The following TASP1 variants were observed in gnomAD, a reference collection of about 807,000 sequenced individuals.
The protein encoded by TASP1 is taspase 1, also known as threonine aspartase 1.
Under a neutral mutation model 56.6 loss-of-function variants are expected in TASP1, and 16 were observed. That is an observed-to-expected ratio of 0.28 (90% CI 0.19 to 0.43). TASP1 has a LOEUF of 0.43. TASP1 is among the 20% of genes least tolerant of loss of function. The pLI is 1.00. For missense variants in TASP1, 393 were observed against 511.6 expected (o/e 0.77, Z 2.24); for synonymous variants, 179 against 184.2 (o/e 0.97, Z 0.23).
At position 13,483,289 on chromosome 20, in the gene TASP1, T is replaced by C. The variant is rs1365570433; in HGVS notation, c.923A>G (p.His308Arg). ...GTGAGCATCCTCAGCTTGTAAAGCA[T>C]GTGAACATTCTCTAGCCAGTATGGT... ...VRTILARECSHALQAEDAHQA... is the reference protein window; with the variant it reads ...VRTILARECSRALQAEDAHQA... The change falls in exon 11 of 14, where the codon CAT becomes CGT. Residue 308 changes from histidine to arginine, a missense_variant. His to Arg is a conservative substitution (Grantham distance 29, BLOSUM62 0). Coordinates refer to ENST00000337743, the MANE Select transcript of TASP1 (RefSeq NM_017714.3). 7 of 1,605,830 alleles carry C rather than the reference T, an allele frequency of 4.4e-6. No homozygotes were observed. Among genetic ancestry groups the C allele is most frequent in the Non-Finnish European group, 6.0e-6 (7 of 1,175,824 alleles).
At chr20:13,265,469 G>C in the TASP1 span, among the ~76,000 whole-genome samples, 1 of 152,058 alleles carries the variant, frequency 6.6e-6, no homozygotes, top group Non-Finnish European at 1.5e-5. Context: ...CAAATTCTCT[G>C]ATCTGTGAGC....
chr20:13,521,373 C>T (rs902462070), intron 10 of TASP1, among the ~76,000 whole-genome samples: 1 of 151,722 alleles, frequency 6.6e-6, no homozygotes, highest in Non-Finnish European at 1.5e-5. Context: ...TGGAACCAAC[C>T]CAAATGTCCA....
the TASP1 span, chr20:13,160,063 C>A: frequency 1.2e-6 from 2 of 1,613,740 alleles, no homozygotes; most frequent in African/African-American, 1.3e-5. Flanking sequence ...GATTTCCAGC[C>A]ACTCCCCTCG....
At chr20:13,343,826 C>A in the TASP1 span, among the ~76,000 whole-genome samples, 1 of 152,150 alleles carries the variant, frequency 6.6e-6, no homozygotes, top group Admixed American at 6.5e-5. Flanking sequence ...CATTAGGGAT[C>A]CCAACAAGTG....
intron 8 of TASP1, among the ~76,000 whole-genome samples, chr20:13,554,371 A>C (rs750821356): frequency 2.6e-5 from 4 of 151,588 alleles, no homozygotes; most frequent in African/African-American, 4.8e-5. Context: ...AAACTAATCA[A>C]ATGTAAGTAT....
the TASP1 span, among the ~76,000 whole-genome samples, chr20:13,316,567 T>C: frequency 6.6e-6 from 1 of 151,830 alleles, no homozygotes; most frequent in Admixed American, 6.6e-5. Flanking sequence ...AATCCAGTAA[T>C]GGACAAAAAT....
intron 6 of TASP1, among the ~76,000 whole-genome samples, chr20:13,571,551 C>T (rs2046713112): frequency 6.6e-6 from 1 of 152,188 alleles, no homozygotes; most frequent in Admixed American, 6.5e-5. Flanking sequence ...GTCTGAGCCA[C>T]CATCATCTGA....
At chr20:13,323,608 T>A in the TASP1 span, among the ~76,000 whole-genome samples, 2 of 152,256 alleles carry the variant, frequency 1.3e-5, no homozygotes, top group African/African-American at 4.8e-5. Context: ...TCATTTAATC[T>A]TTATAACTAC....
At chr20:13,118,685 G>A in the TASP1 span, among the ~76,000 whole-genome samples, 1 of 152,114 alleles carries the variant, frequency 6.6e-6, no homozygotes, top group Non-Finnish European at 1.5e-5. Context: ...GCCACACCAG[G>A]CCCAAAACCA....
the TASP1 span, among the ~76,000 whole-genome samples, chr20:13,266,624 A>G: frequency 1.3e-5 from 2 of 152,264 alleles, no homozygotes; most frequent in Admixed American, 6.5e-5. Context: ...GGGTAAAGCA[A>G]TATTTTCCCA....
At chr20:13,172,572 C>T in the TASP1 span, among the ~76,000 whole-genome samples, 5 of 152,174 alleles carry the variant, frequency 3.3e-5, no homozygotes, top group African/African-American at 1.2e-4. Flanking sequence ...TTTGAATCCC[C>T]TGCTACTATT....
At chr20:13,605,264 C>T (rs951441763) in intron 4 of TASP1, among the ~76,000 whole-genome samples, 50 of 152,064 alleles carry the variant, frequency 3.3e-4, no homozygotes, top group African/African-American at 9.6e-4. Context: ...GGTGGTTACA[C>T]AATTGTATAT....
rs575391998 is a variant in TASP1, at chr20:13,463,281, C to T, written c.985+19946G>A. Among the ~76,000 whole-genome samples, 16 of 152,098 alleles carry T rather than the reference C, an allele frequency of 1.1e-4. No homozygotes were observed. The South Asian group carries it at 2.9e-3, about 28-fold the overall frequency. ...TCGATGGGGAAAGGATAGTCTTTTTCGATAATGATGCTAGGAAAAGTGGAT... is the reference window on the plus strand; with the variant it reads ...TCGATGGGGAAAGGATAGTCTTTTTTGATAATGATGCTAGGAAAAGTGGAT... On this transcript the variant is annotated intron_variant, in intron 11 of 13. Transcript: ENST00000337743.
At chr20:13,635,387 C>CTTTT (rs34767488) in intron 1 of TASP1, among the ~76,000 whole-genome samples, 4 of 129,282 alleles carry the variant, frequency 3.1e-5, no homozygotes, top group Admixed American at 7.9e-5. Flanking sequence ...TCAGCAATTT[C>CTTTT]TTTTTTTTTT....
At chr20:13,222,310 A>T in the TASP1 span, among the ~76,000 whole-genome samples, 1 of 152,106 alleles carries the variant, frequency 6.6e-6, no homozygotes, top group Non-Finnish European at 1.5e-5. Flanking sequence ...GGACGCAAGG[A>T]GACTTTATAG....
At chr20:13,624,430 T>C (rs1473819147) in intron 3 of TASP1, among the ~76,000 whole-genome samples, 1 of 152,148 alleles carries the variant, frequency 6.6e-6, no homozygotes, top group African/African-American at 2.4e-5. Context: ...AATATTCTTA[T>C]TTATAGGACT....
At chr20:13,514,851 G>C (rs1051296699) in intron 10 of TASP1, among the ~76,000 whole-genome samples, 1 of 152,056 alleles carries the variant, frequency 6.6e-6, no homozygotes, top group African/African-American at 2.4e-5. Flanking sequence ...TTTATACTGT[G>C]GGCTGGATCA....
chr20:13,483,206 T>C, intron 11 of TASP1, 21 bp downstream of exon 11: 1 of 1,505,112 alleles, frequency 6.6e-7, no homozygotes, highest in Non-Finnish European at 9.0e-7. Context: ...GAAGATGTAA[T>C]CTTCTTAATG....
At position 13,510,073 on chromosome 20, in the gene TASP1, C is replaced by T. The variant is rs753829935; in HGVS notation, c.874+18360G>A. Reference sequence around the variant, plus strand: ...ACAAACCTTTACGTGTACCCCTGAACCTAAAATGAAAGTTAATAAATAAAG... The same window carrying T: ...ACAAACCTTTACGTGTACCCCTGAATCTAAAATGAAAGTTAATAAATAAAG... On this transcript the variant is annotated intron_variant, in intron 10 of 13. Transcript: ENST00000337743. Among the ~76,000 whole-genome samples, 33 of 152,078 alleles carry T rather than the reference C, an allele frequency of 2.2e-4. 1 individual carries two copies. The highest frequency in any genetic ancestry group is 3.4e-4 in the Non-Finnish European group (23 of 67,996).
Sources: gnomAD v4.1 joint callset for allele counts (sites outside exome capture counted in the v4.1 genomes callset) on GRCh38, gnomAD v4.1.1 for gene constraint, MANE v1.5 for transcripts, NCBI Gene and HGNC (gene_info 2026-07-23, HGNC 2026-07-21) for gene names.